The following CALN1 variants were observed in gnomAD, a reference collection of about 807,000 sequenced individuals.
The protein encoded by CALN1 is calcium-binding protein 8.
In CALN1, 17 loss-of-function variants were observed where a neutral mutation model predicts 30.6. The ratio of observed to expected loss-of-function variants is 0.56; its 90% CI spans 0.38 to 0.83. The LOEUF is 0.83. CALN1 is among the 40% of genes least tolerant of loss of function. CALN1 has a pLI of 0.00. For missense variants in CALN1, 291 were observed against 354.9 expected (o/e 0.82, Z 1.45); for synonymous variants, 156 against 131.4 (o/e 1.19, Z -1.28).
intron 6 of CALN1, among the ~76,000 whole-genome samples, chr7:71,807,880 C>G (rs111753411): frequency 2.6e-5 from 4 of 152,180 alleles, no homozygotes; most frequent in Admixed American, 2.0e-4. Context: ...TTGAGACCAT[C>G]CTCACTAACA....
In CALN1 at chr7:72,259,431, C is replaced by T. The variant is rs78917683; in HGVS notation, c.244+19255G>A. 4.5e-3 allele frequency among the ~76,000 whole-genome samples: 681 copies of T among 152,284 alleles called. 6 individuals carry two copies. Among genetic ancestry groups the T allele is most frequent in the Non-Finnish European group, 6.7e-3 (453 of 68,022 alleles). On this transcript the variant is annotated intron_variant, in intron 3 of 6. Coordinates refer to ENST00000395275, the MANE Select transcript of CALN1 (RefSeq NM_031468.4). ...TCCCTGGTCTCAGCGGTTGTCACCACCTGTACCTCATTACCTAGTTAAGCG... is the reference window on the plus strand; with the variant it reads ...TCCCTGGTCTCAGCGGTTGTCACCATCTGTACCTCATTACCTAGTTAAGCG...
intron 4 of CALN1, among the ~76,000 whole-genome samples, chr7:72,058,320 T>TC (rs1803412150): frequency 7.4e-6 from 1 of 135,934 alleles, no homozygotes; most frequent in Non-Finnish European, 1.6e-5. Context: ...CTTTTTTTTT[T>TC]TTTTTTTTTT....
intron 2 of CALN1, among the ~76,000 whole-genome samples, chr7:72,386,294 A>C (rs1805205492): frequency 1.3e-5 from 2 of 152,212 alleles, no homozygotes; most frequent in Admixed American, 6.5e-5. Context: ...ACAGAATGTG[A>C]CAAATCAATC....
the CALN1 span, among the ~76,000 whole-genome samples, chr7:72,484,477 C>A: frequency 6.6e-6 from 1 of 152,140 alleles, no homozygotes; most frequent in Non-Finnish European, 1.5e-5. Flanking sequence ...CCCAGTCCTG[C>A]GTGTCAAGCA....
intron 5 of CALN1, among the ~76,000 whole-genome samples, chr7:71,864,336 C>T (rs918592887): frequency 3.9e-5 from 6 of 152,094 alleles, no homozygotes; most frequent in African/African-American, 1.4e-4. Context: ...AGTCTGTGAA[C>T]CAGGCTCTGG....
chr7:72,112,409 T>C (rs1172154726), intron 3 of CALN1, among the ~76,000 whole-genome samples: 3 of 152,196 alleles, frequency 2.0e-5, no homozygotes, highest in Non-Finnish European at 4.4e-5. Flanking sequence ...TGGGTCTTCA[T>C]TGCATAAAGT....
At chr7:72,168,873 G>A (rs894573003) in intron 3 of CALN1, among the ~76,000 whole-genome samples, 11 of 147,112 alleles carry the variant, frequency 7.5e-5, no homozygotes, top group Non-Finnish European at 1.6e-4. Context: ...TGATGACACT[G>A]CGGCTCATTG....
At chr7:72,098,974 C>T (rs766324050) in intron 4 of CALN1, among the ~76,000 whole-genome samples, 2 of 152,202 alleles carry the variant, frequency 1.3e-5, no homozygotes, top group Non-Finnish European at 2.9e-5. Flanking sequence ...GCCGGCAAGG[C>T]ACCCCCGCTC....
At chr7:71,841,802 T>G (rs372667503) in intron 5 of CALN1, among the ~76,000 whole-genome samples, 1 of 151,522 alleles carries the variant, frequency 6.6e-6, no homozygotes, top group African/African-American at 2.4e-5. Flanking sequence ...GAACATTGGG[T>G]CCATATGGAC....
chr7:72,304,615 C>A (rs986330421), intron 2 of CALN1, among the ~76,000 whole-genome samples: 5 of 152,136 alleles, frequency 3.3e-5, no homozygotes, highest in Non-Finnish European at 5.9e-5. Context: ...GCCAGCGTCT[C>A]TTTTACGTCT....
At chr7:72,001,270 G>A (rs1406277128) in intron 5 of CALN1, among the ~76,000 whole-genome samples, 1 of 152,130 alleles carries the variant, frequency 6.6e-6, no homozygotes, top group Non-Finnish European at 1.5e-5. Flanking sequence ...CTCTAAACAG[G>A]TAGAAAAACC....
intron 5 of CALN1, among the ~76,000 whole-genome samples, chr7:71,918,400 C>T (rs920643908): frequency 2.0e-5 from 3 of 152,176 alleles, no homozygotes; most frequent in Non-Finnish European, 2.9e-5. Context: ...AGCAAAAATG[C>T]TAACAGCTCT....
intron 5 of CALN1, among the ~76,000 whole-genome samples, chr7:71,981,273 C>T (rs970973557): frequency 2.0e-5 from 3 of 152,114 alleles, no homozygotes; most frequent in Non-Finnish European, 2.9e-5. Flanking sequence ...AGGCAGGACT[C>T]TAATCTTCCC....
At chr7:72,074,438 C>T (rs1028269792) in intron 4 of CALN1, among the ~76,000 whole-genome samples, 2 of 152,088 alleles carry the variant, frequency 1.3e-5, no homozygotes, top group African/African-American at 4.8e-5. Context: ...GACAGGGTCT[C>T]GCTCTGTCAA....
At chr7:72,076,082 A>G (rs1804707429) in intron 4 of CALN1, among the ~76,000 whole-genome samples, 2 of 152,126 alleles carry the variant, frequency 1.3e-5, no homozygotes, top group South Asian at 2.1e-4. Flanking sequence ...CTAATAGAGA[A>G]GCAAGCTCAG....
At chr7:72,293,696 C>T (rs1180929425) in intron 2 of CALN1, among the ~76,000 whole-genome samples, 1 of 152,092 alleles carries the variant, frequency 6.6e-6, no homozygotes, top group East Asian at 1.9e-4. Context: ...ATGTTGATAG[C>T]AGAAAAAGCA....
intron 5 of CALN1, among the ~76,000 whole-genome samples, chr7:71,816,647 A>G (rs1788280004): frequency 6.6e-6 from 1 of 151,952 alleles, no homozygotes; most frequent in African/African-American, 2.4e-5. Context: ...AAAGATACAG[A>G]CTCCAAAATC....
intron 2 of CALN1, among the ~76,000 whole-genome samples, chr7:72,396,156 G>A (rs1459077643): frequency 6.7e-6 from 1 of 149,156 alleles, no homozygotes; most frequent in Admixed American, 6.7e-5. Context: ...CTAGCACTTG[G>A]GAAGCCAAGG....
intron 2 of CALN1, among the ~76,000 whole-genome samples, chr7:72,316,895 T>C (rs1800492404): frequency 6.7e-6 from 1 of 150,228 alleles, no homozygotes; most frequent in South Asian, 2.1e-4. Flanking sequence ...CAGTCAACTA[T>C]GATGGCACCA....
Sources: gnomAD v4.1 joint callset for allele counts (sites outside exome capture counted in the v4.1 genomes callset) on GRCh38, gnomAD v4.1.1 for gene constraint, MANE v1.5 for transcripts, NCBI Gene and HGNC (gene_info 2026-07-23, HGNC 2026-07-21) for gene names.